The following ANK1 variants were observed in gnomAD, a reference collection of about 807,000 sequenced individuals.
ANK1 encodes ankyrin 1.
In ANK1, 51 loss-of-function variants were observed where a neutral mutation model predicts 210.4. The observed-to-expected ratio is 0.24, with a 90% confidence interval of 0.19 to 0.31. ANK1 has a LOEUF of 0.31. Ranked by LOEUF, ANK1 falls within the 10% of genes least tolerant of loss-of-function variation. The probability of loss-of-function intolerance (pLI) is 1.00; values close to 1 mark genes in which losing one functional copy is unlikely to be tolerated. For missense variants in ANK1, 2,051 were observed against 2,504.4 expected (o/e 0.82, Z 3.86); for synonymous variants, 967 against 1,025.9 (o/e 0.94, Z 1.10).
intron 39 of ANK1, among the ~76,000 whole-genome samples, chr8:41,664,651 T>TC (rs1809751819): frequency 6.6e-6 from 1 of 152,030 alleles, no homozygotes; most frequent in Non-Finnish European, 1.5e-5. Context: ...ACACTCTGGC[T>TC]CCCAGGGTGG....
intron 12 of ANK1, 106 bp from the exon 13 acceptor site, chr8:41,717,157 C>T (rs1321941778): frequency 1.6e-6 from 2 of 1,228,744 alleles, no homozygotes; most frequent in East Asian, 4.8e-5. Context: ...GGTTTTTGTC[C>T]AAGAGGTGGA....
At position 41,708,933 on chromosome 8, in the gene ANK1, C is replaced by G; in HGVS notation, c.1843G>C (p.Val615Leu). Residue 615 changes from valine to leucine, a missense_variant, in exon 17 of 43, where the codon GTG becomes CTG. Physicochemically the swap from Val to Leu is conservative, Grantham distance 32. This residue lies in a region of ANK1 where 1,413 missense variants were observed against 1,707.4 expected (regional missense o/e 0.83). Coordinates refer to ENST00000289734, the MANE Select transcript of ANK1 (RefSeq NM_000037.4). ...PLHIAAKQNQVEVARSLLQYG... is the reference protein window; with the variant it reads ...PLHIAAKQNQLEVARSLLQYG... ...TGCAGCAGACTACGGGCCACCTCCA[C>G]CTGGTTCTGCTTGGCAGCGATGTGC... 1 of 1,614,116 alleles carries G rather than the reference C, an allele frequency of 6.2e-7. No homozygotes were observed. Among genetic ancestry groups the G allele is most frequent in the Non-Finnish European group, 8.5e-7 (1 of 1,180,024 alleles).
chr8:41,686,213 C>A lies in ANK1; in HGVS notation c.4329G>T (p.Leu1443=). 6.2e-7 allele frequency: 1 copy of A among 1,614,220 alleles called. No homozygotes were observed. The highest frequency in any genetic ancestry group is 1.1e-5 in the South Asian group (1 of 91,090). ...TCAGCAAGGCCACACTCTGCTCCAA[C>A]AGGGAGTTGGGATTTTCCACTCGGA... ...NRIRVENPNS[L]LEQSVALLNL... Residue 1443 remains leucine (L), a synonymous_variant, in exon 36 of 43, where the codon CTG becomes CTT. Coordinates refer to ENST00000289734, the MANE Select transcript of ANK1 (RefSeq NM_000037.4).
chr8:41,711,087 TATA>T (rs1825993487), intron 16 of ANK1, among the ~76,000 whole-genome samples: 1 of 152,190 alleles, frequency 6.6e-6, no homozygotes, highest in South Asian at 2.1e-4. Flanking sequence ...GCATTTGGAT[TATA>T]ATAAGTTTAA....
At chr8:41,886,686 C>G (rs984129654) in intron 1 of ANK1, among the ~76,000 whole-genome samples, 1 of 152,166 alleles carries the variant, frequency 6.6e-6, no homozygotes, top group African/African-American at 2.4e-5. Context: ...CACACATTTC[C>G]AAGTATCAGT....
chr8:41,844,024 A>C (rs1453233730), intron 1 of ANK1, among the ~76,000 whole-genome samples: 1 of 152,164 alleles, frequency 6.6e-6, no homozygotes, highest in Non-Finnish European at 1.5e-5. Flanking sequence ...ATAGGCATGC[A>C]TCACCACACC....
chr8:41,709,092 TGG>T, intron 16 of ANK1, 117 bp from the exon 17 acceptor site: 2 of 1,192,880 alleles, frequency 1.7e-6, no homozygotes, highest in Non-Finnish European at 2.4e-6. Context: ...TGAGCAGGGC[TGG>T]CATCACCCAG....
intron 23 of ANK1, 113 bp from the exon 24 acceptor site, chr8:41,698,234 C>T (rs891746076): frequency 1.6e-4 from 169 of 1,043,692 alleles, no homozygotes; most frequent in Admixed American, 6.9e-4. Context: ...AGCCTGACTG[C>T]GCTTCACAAC....
intron 17 of ANK1, among the ~76,000 whole-genome samples, chr8:41,707,670 C>T (rs1351311952): frequency 1.3e-5 from 2 of 152,204 alleles, no homozygotes; most frequent in Non-Finnish European, 2.9e-5. Flanking sequence ...TTACGGTCTC[C>T]TTGCAAAGCT....
chr8:41,864,505 G>A (rs1430484208), intron 1 of ANK1, among the ~76,000 whole-genome samples: 2 of 152,108 alleles, frequency 1.3e-5, no homozygotes, highest in Non-Finnish European at 2.9e-5. Flanking sequence ...CTCATCCCTG[G>A]CTCCTCCTTG....
chr8:41,655,619 A>G lies in ANK1; in HGVS notation c.*171T>C, dbSNP rs2150527825. 1 of 1,329,920 alleles carries G rather than the reference A, an allele frequency of 7.5e-7. No individual in the cohort carries two copies. Among genetic ancestry groups the G allele is most frequent in the Non-Finnish European group, 1.1e-6 (1 of 928,234 alleles). The allele number at this position is 1,329,920 out of a possible 1,614,324, so 82.4% of individuals were successfully genotyped here. A position where few individuals can be genotyped will look rare whatever the true frequency, so the allele number is the denominator to read the frequency against. On this transcript the variant is annotated 3_prime_UTR_variant, in exon 43 of 43. Coordinates refer to ENST00000289734, the MANE Select transcript of ANK1 (RefSeq NM_000037.4). ...TCATTCATGCCAAGAGGGGACTAGC[A>G]GGAGTCCCTTACAGAGGTCATGCCG...
intron 1 of ANK1, among the ~76,000 whole-genome samples, chr8:41,883,073 C>T (rs11985897): frequency 4.6e-5 from 7 of 152,134 alleles, no homozygotes; most frequent in African/African-American, 9.7e-5. Context: ...ACAGGCTCAG[C>T]GAGAGACAGA....
chr8:41,855,471 T>C (rs1003245333), intron 1 of ANK1, among the ~76,000 whole-genome samples: 1 of 152,138 alleles, frequency 6.6e-6, no homozygotes, highest in Non-Finnish European at 1.5e-5. Context: ...CACTGGGTCA[T>C]GTTTAGAGAG....
chr8:41,720,001 C>G (rs1828837359), intron 9 of ANK1, 143 bp from the exon 10 acceptor site: 2 of 928,218 alleles, frequency 2.2e-6, no homozygotes, highest in African/African-American at 3.3e-5. Context: ...CTCACCCTGG[C>G]CTCCACGCTC....
chr8:41,802,497 A>G (rs768177916), upstream of ANK1, among the ~76,000 whole-genome samples: 4 of 152,200 alleles, frequency 2.6e-5, no homozygotes, highest in South Asian at 2.1e-4. Context: ...ACTCTCTCCT[A>G]TGATCCATTG....
At chr8:41,871,375 A>G (rs7826227) in intron 1 of ANK1, among the ~76,000 whole-genome samples, 37,465 of 152,076 alleles carry the variant, frequency 0.25, 4,851 homozygotes, top group Non-Finnish European at 0.29. Flanking sequence ...CAGCATGATC[A>G]CAGCTCACTG....
At chr8:41,831,312 A>G (rs1227553695) in intron 1 of ANK1, among the ~76,000 whole-genome samples, 2 of 152,208 alleles carry the variant, frequency 1.3e-5, no homozygotes, top group Non-Finnish European at 2.9e-5. Flanking sequence ...TACTTTGCAC[A>G]TGACCCAGCA....
upstream of ANK1, among the ~76,000 whole-genome samples, chr8:41,799,014 G>A (rs1849396631): frequency 6.6e-6 from 1 of 152,000 alleles, no homozygotes; most frequent in South Asian, 2.1e-4. Context: ...GCACCCCATG[G>A]ACGCTGGGCC....
At chr8:41,796,591 T>A (rs1258762992) in intron 1 of ANK1, among the ~76,000 whole-genome samples, 1 of 149,188 alleles carries the variant, frequency 6.7e-6, no homozygotes, top group South Asian at 2.1e-4. Context: ...ATTGTACAGA[T>A]GCCACTAAAA....
Sources: allele counts gnomAD v4.1 joint callset (sites outside exome capture counted in the v4.1 genomes callset), GRCh38; gene constraint gnomAD v4.1.1; regional missense constraint gnomAD v4.1.1; transcripts MANE v1.5; gene names NCBI Gene and HGNC (gene_info 2026-07-23, HGNC 2026-07-21).